The following LTBP1 variants were observed in gnomAD, a reference collection of about 807,000 sequenced individuals.
The protein encoded by LTBP1 is latent-transforming growth factor beta-binding protein 1.
In LTBP1, 129 loss-of-function variants were observed where a neutral mutation model predicts 207.6. That is an observed-to-expected ratio of 0.62 (90% CI 0.54 to 0.72). LTBP1 has a LOEUF of 0.72. Ranked by LOEUF, LTBP1 falls within the 30% of genes least tolerant of loss-of-function variation. LTBP1 has a pLI of 0.00. For synonymous variants in LTBP1, 963 were observed against 833.7 expected, an observed-to-expected ratio of 1.16 and a Z score of -2.67; for missense variants, 2,281 against 2,217.2, an observed-to-expected ratio of 1.03 and a Z score of -0.58.
At chr2:33,174,001 T>A (rs9679693) in intron 5 of LTBP1, among the ~76,000 whole-genome samples, 33,799 of 103,918 alleles carry the variant, frequency 0.33, 5,702 homozygotes, top group Middle Eastern at 0.36. Context: ...TGATGGGACG[T>A]ATCTCAAAAT....
At chr2:33,016,189 A>G (rs916680901) in intron 2 of LTBP1, among the ~76,000 whole-genome samples, 3 of 152,152 alleles carry the variant, frequency 2.0e-5, no homozygotes, top group Non-Finnish European at 2.9e-5. Flanking sequence ...CTCTGTGCAG[A>G]GACAAGGAGG....
intron 3 of LTBP1, among the ~76,000 whole-genome samples, chr2:33,065,733 G>A (rs2077477356): frequency 6.6e-6 from 1 of 152,172 alleles, no homozygotes; most frequent in African/African-American, 2.4e-5. Flanking sequence ...GTTGGGAGGT[G>A]TTTCTTCTTC....
intron 2 of LTBP1, among the ~76,000 whole-genome samples, chr2:32,958,905 C>T (rs1305231159): frequency 6.6e-6 from 1 of 152,156 alleles, no homozygotes; most frequent in Non-Finnish European, 1.5e-5. Context: ...TTTCCTTTCT[C>T]CTTGCCAATT....
chr2:32,960,519 C>T (rs999802469), intron 2 of LTBP1, among the ~76,000 whole-genome samples: 2 of 152,160 alleles, frequency 1.3e-5, no homozygotes, highest in Non-Finnish European at 2.9e-5. Flanking sequence ...TTCTTTCTCC[C>T]TGCCAATTTT....
At chr2:33,363,976 C>A (rs1294859319) in intron 29 of LTBP1, among the ~76,000 whole-genome samples, 1 of 152,154 alleles carries the variant, frequency 6.6e-6, no homozygotes, top group Non-Finnish European at 1.5e-5. Flanking sequence ...ATATCCTGTT[C>A]ATGGATGTTT....
At chr2:33,209,371 C>G (rs1029199137) in intron 7 of LTBP1, among the ~76,000 whole-genome samples, 1 of 152,204 alleles carries the variant, frequency 6.6e-6, no homozygotes, top group Non-Finnish European at 1.5e-5. Context: ...AGCTCCATTG[C>G]TGTTGCTTCA....
chr2:33,228,973 A>G (rs2091628386), intron 9 of LTBP1, among the ~76,000 whole-genome samples: 1 of 151,852 alleles, frequency 6.6e-6, no homozygotes, highest in African/African-American at 2.4e-5. Context: ...TGCTGGGATT[A>G]CGGGTGTGAG....
Position 33,252,013 on chromosome 2 carries a change from T to C in LTBP1, c.2000-664T>C, listed in dbSNP as rs562759614. 5.9e-5 allele frequency among the ~76,000 whole-genome samples: 9 copies of C among 152,314 alleles called. 1 individual carries two copies. Among genetic ancestry groups the C allele is most frequent in the African/African-American group, 1.9e-4 (8 of 41,582 alleles). Reference sequence around the variant, plus strand: ...GAAGATGAGGATTAAAGTTTAGGTATTGGATGGCTATAGCCTTGTATACTT... The same window carrying C: ...GAAGATGAGGATTAAAGTTTAGGTACTGGATGGCTATAGCCTTGTATACTT... On this transcript the variant is annotated intron_variant, in intron 10 of 33. Coordinates refer to ENST00000404816, the MANE Select transcript of LTBP1 (RefSeq NM_206943.4).
At chr2:33,040,589 A>G (rs1291710193) in intron 3 of LTBP1, among the ~76,000 whole-genome samples, 2 of 152,098 alleles carry the variant, frequency 1.3e-5, no homozygotes, top group Non-Finnish European at 2.9e-5. Context: ...ACTGCTCTCC[A>G]ATCCACGCCT....
chr2:32,963,680 T>G (rs1377029583), intron 2 of LTBP1, among the ~76,000 whole-genome samples: 3 of 152,214 alleles, frequency 2.0e-5, no homozygotes, highest in African/African-American at 7.2e-5. Flanking sequence ...CTTCATATTC[T>G]TCAAAGCCAC....
At chr2:33,051,778 A>C (rs1405997528) in intron 3 of LTBP1, among the ~76,000 whole-genome samples, 1 of 152,156 alleles carries the variant, frequency 6.6e-6, no homozygotes, top group Non-Finnish European at 1.5e-5. Context: ...ATTCAAAGCC[A>C]CTTTATGTCT....
chr2:33,397,085 A>G (rs773194097), intron 32 of LTBP1, 48 bp from the exon 33 acceptor site: 5 of 1,572,346 alleles, frequency 3.2e-6, no homozygotes, highest in South Asian at 1.1e-5. Flanking sequence ...ACAAAATGAT[A>G]TAGGAAGTTG....
chr2:33,222,478 G>A (rs963488312), intron 9 of LTBP1, among the ~76,000 whole-genome samples: 1 of 152,182 alleles, frequency 6.6e-6, no homozygotes, highest in African/African-American at 2.4e-5. Flanking sequence ...ACATGTGCTT[G>A]CAGGCACCCA....
intron 7 of LTBP1, among the ~76,000 whole-genome samples, chr2:33,203,513 A>T (rs1048854109): frequency 2.6e-5 from 4 of 152,178 alleles, no homozygotes; most frequent in South Asian, 2.1e-4. Context: ...ACCCAGGTAG[A>T]TGTCTTCTGG....
rs149870742 is a variant in LTBP1 at position 32,962,658 on chromosome 2, A to G, written c.565+13713A>G. ...TATATTACAACAAATGTCCCTGTGTAAGTTTGGAATGCTTTGTTTTGAGTG... is the reference window on the plus strand; with the variant it reads ...TATATTACAACAAATGTCCCTGTGTGAGTTTGGAATGCTTTGTTTTGAGTG... On this transcript the variant is annotated intron_variant, in intron 2 of 33. Coordinates refer to ENST00000404816, the MANE Select transcript of LTBP1 (RefSeq NM_206943.4). 1.9e-3 allele frequency among the ~76,000 whole-genome samples: 289 copies of G among 152,332 alleles called. 1 individual carries two copies. Among genetic ancestry groups the G allele is most frequent in the African/African-American group, 6.7e-3 (279 of 41,578 alleles).
At chr2:33,169,759 A>G (rs1323568569) in intron 5 of LTBP1, among the ~76,000 whole-genome samples, 3 of 152,216 alleles carry the variant, frequency 2.0e-5, no homozygotes, top group Non-Finnish European at 4.4e-5. Flanking sequence ...TTTATGATCC[A>G]TAAAAACCAA....
intron 4 of LTBP1, among the ~76,000 whole-genome samples, chr2:33,117,813 G>A (rs2080845768): frequency 6.8e-6 from 1 of 146,090 alleles, no homozygotes; most frequent in South Asian, 2.2e-4. Context: ...TAGATGAGGG[G>A]AATTGGAGCA....
At chr2:33,244,959 A>G (rs1039132403) in intron 10 of LTBP1, among the ~76,000 whole-genome samples, 3 of 152,048 alleles carry the variant, frequency 2.0e-5, no homozygotes, top group African/African-American at 4.8e-5. Context: ...ACTCATTGCA[A>G]CCTCTGCCTC....
At chr2:33,380,424 C>CAAA (rs35730871) in intron 31 of LTBP1, among the ~76,000 whole-genome samples, 24,358 of 125,372 alleles carry the variant, frequency 0.19, 2,469 homozygotes, top group African/African-American at 0.27. Context: ...TAAAAAAATA[C>CAAA]AAAAAAAAAA....
Sources: gnomAD v4.1 joint callset for allele counts (sites outside exome capture counted in the v4.1 genomes callset) on GRCh38, gnomAD v4.1.1 for gene constraint, MANE v1.5 for transcripts, NCBI Gene and HGNC (gene_info 2026-07-23, HGNC 2026-07-21) for gene names.